CSGALNACT1: variants seen among roughly 807,000 people sequenced by gnomAD.
CSGALNACT1 encodes beta4GalNAcT-1.
In CSGALNACT1, 52 loss-of-function variants were observed where a neutral mutation model predicts 51.0. The observed-to-expected ratio is 1.02, with a 90% CI of 0.82 to 1.29. The LOEUF (loss-of-function observed/expected upper bound fraction) is 1.29. Ranked by LOEUF, CSGALNACT1 falls within the 50% of genes most tolerant of loss-of-function variation. CSGALNACT1 has a pLI of 0.00. For synonymous variants in CSGALNACT1, 341 were observed against 254.4 expected, an observed-to-expected ratio of 1.34 and a Z score of -3.24; for missense variants, 935 against 679.2, an observed-to-expected ratio of 1.38 and a Z score of -4.19.
intron 4 of CSGALNACT1, among the ~76,000 whole-genome samples, chr8:19,499,868 C>T (rs1021360784): frequency 6.6e-6 from 1 of 152,140 alleles, no homozygotes; most frequent in Non-Finnish European, 1.5e-5. Context: ...TTGCAGGATC[C>T]TGATGGAGTG....
intron 1 of CSGALNACT1, among the ~76,000 whole-genome samples, chr8:19,678,301 A>T (rs1404633110): frequency 6.6e-6 from 1 of 152,192 alleles, no homozygotes; most frequent in African/African-American, 2.4e-5. Context: ...TAGAATTAGC[A>T]TGTAATACTG....
chr8:19,714,576 C>A (rs941685529), intron 1 of CSGALNACT1, among the ~76,000 whole-genome samples: 13 of 151,470 alleles, frequency 8.6e-5, no homozygotes, highest in African/African-American at 3.2e-4. Flanking sequence ...AAAATTTTTT[C>A]TCTTTGTGTT....
upstream of CSGALNACT1, among the ~76,000 whole-genome samples, chr8:19,607,016 A>T (rs553120049): frequency 6.6e-6 from 1 of 152,152 alleles, no homozygotes; most frequent in East Asian, 1.9e-4. Flanking sequence ...TTAGCCGGGC[A>T]TGGTGGCAGG....
At chr8:19,677,331 G>A (rs1424735251) in intron 1 of CSGALNACT1, among the ~76,000 whole-genome samples, 1 of 152,138 alleles carries the variant, frequency 6.6e-6, no homozygotes, top group Non-Finnish European at 1.5e-5. Context: ...GGCTGGTCTT[G>A]AAGTCCTGAC....
At chr8:19,566,346 A>G (rs531128403) in intron 3 of CSGALNACT1, among the ~76,000 whole-genome samples, 4,578 of 152,294 alleles carry the variant, frequency 0.03, 224 homozygotes, top group African/African-American at 0.1. Context: ...TGGAGTCTTC[A>G]GAGGAAGCGT....
chr8:19,655,763 A>AC (rs1412617669), intron 1 of CSGALNACT1, among the ~76,000 whole-genome samples: 2 of 152,038 alleles, frequency 1.3e-5, no homozygotes, highest in South Asian at 2.1e-4. Flanking sequence ...AAAGTGAAAA[A>AC]TTTTTTTCAC....
At chr8:19,635,760 C>G (rs1172540995) in intron 1 of CSGALNACT1, among the ~76,000 whole-genome samples, 1 of 152,132 alleles carries the variant, frequency 6.6e-6, no homozygotes, top group African/African-American at 2.4e-5. Flanking sequence ...CGGAGTCTTG[C>G]TCTGTTGCCC....
chr8:19,533,904 G>A (rs773893316), intron 3 of CSGALNACT1, among the ~76,000 whole-genome samples: 10 of 151,900 alleles, frequency 6.6e-5, no homozygotes, highest in Non-Finnish European at 1.2e-4. Flanking sequence ...AACCATGAGG[G>A]GAAGAAAAAG....
chr8:19,406,996 A>G (rs1469021627), intron 9 of CSGALNACT1, among the ~76,000 whole-genome samples: 2 of 152,198 alleles, frequency 1.3e-5, no homozygotes, highest in African/African-American at 4.8e-5. Flanking sequence ...GGCATGAGCC[A>G]CCACGCTCGG....
chr8:19,503,011 C>A (rs1321820878), intron 4 of CSGALNACT1, among the ~76,000 whole-genome samples: 1 of 152,188 alleles, frequency 6.6e-6, no homozygotes, highest in Non-Finnish European at 1.5e-5. Context: ...GCACTTAATT[C>A]TATCACACCT....
rs527840494 is a variant in CSGALNACT1 at position 19,583,619 on chromosome 8, G to T, written c.-297+7541C>A. ...AGCAAGTATAATTCACAACAACATAGCAGCAGAGAAGTACATTCAATTTTC... is the reference window on the plus strand; with the variant it reads ...AGCAAGTATAATTCACAACAACATATCAGCAGAGAAGTACATTCAATTTTC... On this transcript the variant is annotated intron_variant, in intron 3 of 9. Coordinates refer to ENST00000454498, the Ensembl canonical transcript of CSGALNACT1. Among the ~76,000 whole-genome samples the T allele has an allele frequency of 1.5e-4, 23 of 152,220 alleles. No homozygotes were observed. The South Asian group carries it at 4.8e-3, about 32-fold the overall frequency.
chr8:19,654,528 G>A (rs2058093697), intron 1 of CSGALNACT1, among the ~76,000 whole-genome samples: 1 of 152,124 alleles, frequency 6.6e-6, no homozygotes, highest in African/African-American at 2.4e-5. Flanking sequence ...GGATGTTGTA[G>A]GGTGTTTAAA....
At chr8:19,493,777 A>G (rs752384222) in intron 4 of CSGALNACT1, among the ~76,000 whole-genome samples, 4 of 152,112 alleles carry the variant, frequency 2.6e-5, no homozygotes, top group Non-Finnish European at 5.9e-5. Flanking sequence ...CTTTTTGGCT[A>G]TTATGAACAA....
intron 4 of CSGALNACT1, among the ~76,000 whole-genome samples, chr8:19,475,151 G>T (rs2069214852): frequency 6.6e-6 from 1 of 152,170 alleles, no homozygotes; most frequent in African/African-American, 2.4e-5. Context: ...ACAGGGGTTG[G>T]ATGAGGAAGA....
At chr8:19,736,205 G>A (rs1292794699) in intron 1 of CSGALNACT1, among the ~76,000 whole-genome samples, 3 of 152,138 alleles carry the variant, frequency 2.0e-5, no homozygotes, top group Non-Finnish European at 2.9e-5. Flanking sequence ...TTCCTTAGCA[G>A]GGGTCAGAAA....
At chr8:19,625,855 C>T (rs1428654660) in intron 1 of CSGALNACT1, among the ~76,000 whole-genome samples, 1 of 152,160 alleles carries the variant, frequency 6.6e-6, no homozygotes, top group Non-Finnish European at 1.5e-5. Context: ...AGTCACCTAA[C>T]TTCACTCAAT....
At chr8:19,588,369 T>G (rs984684731) in intron 3 of CSGALNACT1, among the ~76,000 whole-genome samples, 5 of 152,244 alleles carry the variant, frequency 3.3e-5, no homozygotes, top group African/African-American at 1.2e-4. Flanking sequence ...CAGTGAGAAC[T>G]CATTGCAAAT....
chr8:19,463,735 C>T (rs1401554944), intron 4 of CSGALNACT1, among the ~76,000 whole-genome samples: 8 of 152,146 alleles, frequency 5.3e-5, no homozygotes, highest in African/African-American at 1.2e-4. Context: ...CTGGCACCTC[C>T]GTGTCTTTCC....
intron 1 of CSGALNACT1, among the ~76,000 whole-genome samples, chr8:19,752,125 A>T (rs942995432): frequency 2.7e-5 from 2 of 73,300 alleles, no homozygotes; most frequent in African/African-American, 1.3e-4. Context: ...ATAATATAAA[A>T]TGTTATATAT....
Sources: allele counts gnomAD v4.1 joint callset (sites outside exome capture counted in the v4.1 genomes callset), GRCh38; gene constraint gnomAD v4.1.1; transcripts MANE v1.5; gene names NCBI Gene and HGNC (gene_info 2026-07-23, HGNC 2026-07-21).